CAMKMT: variants seen among roughly 807,000 people sequenced by gnomAD.
CAMKMT encodes CaM KMT.
CAMKMT carries 53 observed loss-of-function variants against 48.0 expected under a neutral mutation model. That is an observed-to-expected ratio of 1.10 (90% CI 0.89 to 1.39). The LOEUF is 1.39. Among genes scored for constraint, CAMKMT ranks in the 40% most tolerant of loss-of-function variants. The pLI, the probability that CAMKMT is intolerant of heterozygous loss-of-function variation, is 0.00. For missense variants in CAMKMT, 428 were observed against 402.7 expected, an observed-to-expected ratio of 1.06 and a Z score of -0.54; for synonymous variants, 165 against 152.3, an observed-to-expected ratio of 1.08 and a Z score of -0.61.
At chr2:44,402,155 C>T (rs554504015) in intron 3 of CAMKMT, among the ~76,000 whole-genome samples, 11 of 152,026 alleles carry the variant, frequency 7.2e-5, no homozygotes, top group South Asian at 4.1e-4. Context: ...GGTGAAACCC[C>T]GTCTCTACTA....
chr2:44,615,538 G>A (rs1671839890), intron 3 of CAMKMT, among the ~76,000 whole-genome samples: 1 of 152,160 alleles, frequency 6.6e-6, no homozygotes, highest in South Asian at 2.1e-4. Flanking sequence ...TCTGCCTTGG[G>A]TAGCTGGCAG....
rs548652420 is a variant in CAMKMT, at chr2:44,608,158, C to T, written c.377-96125C>T. On this transcript the variant is annotated intron_variant, in intron 3 of 10. Coordinates refer to ENST00000378494, the MANE Select transcript of CAMKMT (RefSeq NM_024766.5). Reference sequence around the variant, plus strand: ...CAGCATCTCGGCTCACTGCAAGCTCCGCCTCCCGGGTTCACGCCATTCTCC... The same window carrying T: ...CAGCATCTCGGCTCACTGCAAGCTCTGCCTCCCGGGTTCACGCCATTCTCC... Among the ~76,000 whole-genome samples the T allele has an allele frequency of 9.3e-5, 14 of 150,970 alleles. 1 individual carries two copies. Among genetic ancestry groups the T allele is most frequent in the African/African-American group, 3.4e-4 (14 of 41,106 alleles).
intron 3 of CAMKMT, among the ~76,000 whole-genome samples, chr2:44,593,174 C>G (rs1482585026): frequency 6.6e-6 from 1 of 152,168 alleles, no homozygotes. Context: ...ACCACTGAGG[C>G]AAAACTCTTT....
intron 3 of CAMKMT, among the ~76,000 whole-genome samples, chr2:44,400,394 G>A (rs1572765454): frequency 6.6e-6 from 1 of 152,050 alleles, no homozygotes; most frequent in Non-Finnish European, 1.5e-5. Flanking sequence ...AGCTCACATG[G>A]TAATTATTAT....
chr2:44,590,457 C>T (rs921806380), intron 3 of CAMKMT, among the ~76,000 whole-genome samples: 35 of 152,168 alleles, frequency 2.3e-4, no homozygotes, highest in African/African-American at 7.5e-4. Context: ...TTCTATCTGG[C>T]GTGAGATGGT....
At chr2:44,432,999 A>G (rs568799512) in intron 3 of CAMKMT, among the ~76,000 whole-genome samples, 4 of 152,330 alleles carry the variant, frequency 2.6e-5, no homozygotes, top group Admixed American at 2.0e-4. Context: ...AACATGACAT[A>G]GTAATCATTA....
At chr2:44,388,197 C>T (rs1254946499) in intron 2 of CAMKMT, among the ~76,000 whole-genome samples, 1 of 152,022 alleles carries the variant, frequency 6.6e-6, no homozygotes, top group African/African-American at 2.4e-5. Flanking sequence ...AGGCTTTGTT[C>T]ATATTTTCTT....
At chr2:44,402,346 AAAGAT>A (rs1296032208) in intron 3 of CAMKMT, among the ~76,000 whole-genome samples, 2 of 151,770 alleles carry the variant, frequency 1.3e-5, no homozygotes, top group Non-Finnish European at 2.9e-5. Context: ...AAAAAAAAAA[AAAGAT>A]AGAATTTAAA....
At chr2:44,559,968 T>C (rs1444055506) in intron 3 of CAMKMT, among the ~76,000 whole-genome samples, 3 of 152,240 alleles carry the variant, frequency 2.0e-5, no homozygotes, top group African/African-American at 7.2e-5. Context: ...TTGAATAATA[T>C]TGGTTTTTAA....
At chr2:44,399,656 T>C (rs369443921) in intron 3 of CAMKMT, among the ~76,000 whole-genome samples, 1 of 152,032 alleles carries the variant, frequency 6.6e-6, no homozygotes, top group African/African-American at 2.4e-5. Context: ...AAATTCTAAC[T>C]CTTGTATCCA....
chr2:44,567,749 A>C (rs1428549696), intron 3 of CAMKMT, among the ~76,000 whole-genome samples: 4 of 151,992 alleles, frequency 2.6e-5, no homozygotes, highest in Non-Finnish European at 5.9e-5. Context: ...TGCTAGCACA[A>C]CTTTTGGCAG....
intron 3 of CAMKMT, among the ~76,000 whole-genome samples, chr2:44,568,754 G>A (rs967673651): frequency 6.6e-6 from 1 of 152,128 alleles, no homozygotes; most frequent in African/African-American, 2.4e-5. Context: ...GTACAAAGCT[G>A]GGGAAGTGAC....
chr2:44,678,767 C>T (rs922238940), intron 3 of CAMKMT, among the ~76,000 whole-genome samples: 7 of 152,216 alleles, frequency 4.6e-5, no homozygotes, highest in African/African-American at 1.7e-4. Context: ...GATAGCCTTC[C>T]TTCTCATCTT....
At chr2:44,663,761 G>C (rs1032545510) in intron 3 of CAMKMT, among the ~76,000 whole-genome samples, 1 of 152,108 alleles carries the variant, frequency 6.6e-6, no homozygotes, top group African/African-American at 2.4e-5. Flanking sequence ...CATCTTGTTC[G>C]TGAATCTTTC....
intron 3 of CAMKMT, among the ~76,000 whole-genome samples, chr2:44,529,650 A>G (rs1197714021): frequency 6.6e-6 from 1 of 152,184 alleles, no homozygotes; most frequent in Non-Finnish European, 1.5e-5. Flanking sequence ...TCTCCTTGGA[A>G]CACATTCTTC....
In CAMKMT at chr2:44,683,706, C is replaced by T. The variant is rs112684509; in HGVS notation, c.377-20577C>T. 4.5e-3 allele frequency among the ~76,000 whole-genome samples: 682 copies of T among 151,024 alleles called. 5 individuals carry two copies. The highest frequency in any genetic ancestry group is 0.016 in the African/African-American group (667 of 41,234). On this transcript the variant is annotated intron_variant, in intron 3 of 10. Transcript: ENST00000378494. ...GGCGTGGTGGCGGACGCCTGTAGTC[C>T]CAGCTACTCGGGAGGCTGAGGCAGG...
At chr2:44,366,428 T>C (rs1487294230) in intron 1 of CAMKMT, among the ~76,000 whole-genome samples, 4 of 152,364 alleles carry the variant, frequency 2.6e-5, no homozygotes, top group East Asian at 3.9e-4. Context: ...TTCTTGACTT[T>C]GTTTTATATG....
intron 3 of CAMKMT, among the ~76,000 whole-genome samples, chr2:44,601,397 G>A (rs1323980764): frequency 4.6e-5 from 7 of 151,872 alleles, no homozygotes; most frequent in African/African-American, 9.7e-5. Flanking sequence ...CGGAGGTTGC[G>A]GTGAGCCAAG....
intron 3 of CAMKMT, among the ~76,000 whole-genome samples, chr2:44,691,726 C>T (rs1024302163): frequency 6.6e-6 from 1 of 152,148 alleles, no homozygotes; most frequent in African/African-American, 2.4e-5. Flanking sequence ...TGCCTGGGCT[C>T]AAATTCCAGC....
Sources: gnomAD v4.1 joint callset for allele counts (sites outside exome capture counted in the v4.1 genomes callset) on GRCh38, gnomAD v4.1.1 for gene constraint, MANE v1.5 for transcripts, NCBI Gene and HGNC (gene_info 2026-07-23, HGNC 2026-07-21) for gene names.